Variants in GALNT14 observed in about 807,000 individuals in gnomAD.
The protein encoded by GALNT14 is polypeptide N-acetylgalactosaminyltransferase 14, also known as UDP-GalNAc:polypeptide N-acetylgalactosaminyltransferase 14.
GALNT14 carries 60 observed loss-of-function variants against 77.5 expected under a neutral mutation model. The observed-to-expected ratio is 0.77, with a 90% confidence interval of 0.63 to 0.96. The LOEUF is 0.96. Among genes scored for constraint, GALNT14 ranks in the 40% least tolerant of loss-of-function variants. GALNT14 has a pLI of 0.00. For synonymous variants in GALNT14, 280 were observed against 281.7 expected, an observed-to-expected ratio of 0.99 and a Z score of 0.06; for missense variants, 710 against 731.0, an observed-to-expected ratio of 0.97 and a Z score of 0.33.
chr2:31,089,297 C>T (rs913337469), intron 1 of GALNT14, among the ~76,000 whole-genome samples: 2 of 152,110 alleles, frequency 1.3e-5, no homozygotes, highest in Non-Finnish European at 2.9e-5. Context: ...ATGAGACATT[C>T]GGATCACGTT....
intron 13 of GALNT14, 48 bp from the exon 14 acceptor site, chr2:30,912,390 C>T (rs1664422552): frequency 1.9e-6 from 3 of 1,605,490 alleles, no homozygotes. Flanking sequence ...CAGGAAGCCA[C>T]CACTCGTGGG....
intron 1 of GALNT14, chr2:31,129,335 CTG>C (rs1678863892): frequency 1.0e-6 from 1 of 977,766 alleles, no homozygotes; most frequent in Non-Finnish European, 1.2e-6. Flanking sequence ...GCTTTGTAAA[CTG>C]TAAAACATCA....
chr2:31,069,777 G>A (rs140988089), intron 1 of GALNT14, among the ~76,000 whole-genome samples: 2,520 of 152,230 alleles, frequency 0.017, 64 homozygotes, highest in African/African-American at 0.052. Flanking sequence ...CAACGAGATG[G>A]ATTTCCTTTT....
intron 1 of GALNT14, among the ~76,000 whole-genome samples, chr2:31,048,958 T>A (rs1673665294): frequency 6.6e-6 from 1 of 152,126 alleles, no homozygotes; most frequent in Non-Finnish European, 1.5e-5. Flanking sequence ...CCCTCCAACC[T>A]TCAGTTCCAC....
chr2:30,945,690 A>C, intron 7 of GALNT14, 93 bp downstream of exon 7: 1 of 1,034,516 alleles, frequency 9.7e-7, no homozygotes. Context: ...TCGACAAGCA[A>C]CTAAGAGCTT....
At chr2:30,910,213 T>TAA (rs892396017), downstream of GALNT14, among the ~76,000 whole-genome samples, 4 of 138,814 alleles carry the variant, frequency 2.9e-5, no homozygotes, top group East Asian at 2.0e-4. Flanking sequence ...AGTATAATAA[T>TAA]AAAAAAAAAA....
At chr2:30,903,045 A>C in the GALNT14 span, among the ~76,000 whole-genome samples, 1 of 152,172 alleles carries the variant, frequency 6.6e-6, no homozygotes, top group Non-Finnish European at 1.5e-5. Context: ...AGTGTGGAGC[A>C]AAAGTGCTTC....
At chr2:30,960,314 T>C (rs377530952) in intron 3 of GALNT14, among the ~76,000 whole-genome samples, 45 of 152,206 alleles carry the variant, frequency 3.0e-4, no homozygotes, top group African/African-American at 1.0e-3. Flanking sequence ...TAACCCCTAA[T>C]GAGGTTTGAT....
At chr2:30,951,421 A>G (rs1667020674) in intron 6 of GALNT14, among the ~76,000 whole-genome samples, 1 of 152,184 alleles carries the variant, frequency 6.6e-6, no homozygotes, top group Admixed American at 6.5e-5. Context: ...AGCAGTGGCC[A>G]GGGGCAGGGA....
chr2:31,060,632 G>A (rs746984084), intron 1 of GALNT14, among the ~76,000 whole-genome samples: 12 of 152,088 alleles, frequency 7.9e-5, no homozygotes, highest in African/African-American at 1.2e-4. Context: ...ACCTTTAATC[G>A]GCTAGCGGCT....
At chr2:30,906,884 T>C (rs977068629), downstream of GALNT14, among the ~76,000 whole-genome samples, 5 of 152,126 alleles carry the variant, frequency 3.3e-5, no homozygotes, top group African/African-American at 1.2e-4. Context: ...GCAATCAAAC[T>C]AGAACTCAGG....
intron 8 of GALNT14, among the ~76,000 whole-genome samples, chr2:30,943,729 T>G (rs1461159996): frequency 6.6e-6 from 1 of 152,150 alleles, no homozygotes; most frequent in Non-Finnish European, 1.5e-5. Context: ...CCTTTAGAAA[T>G]GAAGGACTTT....
At chr2:30,991,072 A>T (rs1438005462) in intron 2 of GALNT14, 1 of 150,564 alleles carries the variant, frequency 6.6e-6, no homozygotes, top group African/African-American at 2.5e-5. Context: ...TCTGCCTCTA[A>T]ATGGTAGAAG....
chr2:31,138,393 T>TGCTGCCGCCGCC lies in GALNT14; in HGVS notation c.-308_-307insGGCGGCGGCAGC. The TGCTGCCGCCGCC allele has an allele frequency of 2.9e-6, 1 of 341,156 alleles. No individual in the cohort carries two copies. Among genetic ancestry groups the TGCTGCCGCCGCC allele is most frequent in the Non-Finnish European group, 5.4e-6 (1 of 185,958 alleles). 21.1% of individuals were successfully genotyped at this position (341,156 alleles called of 1,614,324 possible). On this transcript the variant is annotated 5_prime_UTR_variant, in exon 1 of 15. Coordinates refer to ENST00000349752, the MANE Select transcript of GALNT14 (RefSeq NM_024572.4). ...ATGTTCCCCACGCCGCCACCGCGGC[T>TGCTGCCGCCGCC]GCCGCCGCCGCCGCCGCCGCCTTGC...
intron 6 of GALNT14, among the ~76,000 whole-genome samples, chr2:30,955,257 A>G (rs1198496959): frequency 6.6e-6 from 1 of 152,148 alleles, no homozygotes; most frequent in Non-Finnish European, 1.5e-5. Context: ...TCCTTTCTAC[A>G]AAAGACACCC....
intron 1 of GALNT14, among the ~76,000 whole-genome samples, chr2:31,062,166 T>C (rs1674640135): frequency 6.6e-6 from 1 of 152,150 alleles, no homozygotes; most frequent in Non-Finnish European, 1.5e-5. Flanking sequence ...ATCTAAGTTT[T>C]AAGCACCGCA....
intron 1 of GALNT14, among the ~76,000 whole-genome samples, chr2:31,095,519 G>A (rs1223618092): frequency 6.6e-6 from 1 of 151,664 alleles, no homozygotes; most frequent in African/African-American, 2.4e-5. Flanking sequence ...GATGTTCTTG[G>A]GTCCTAAAAA....
Position 30,999,195 on chromosome 2 carries a change from T to C in GALNT14, c.130-6188A>G, listed in dbSNP as rs1670213582. Among the ~76,000 whole-genome samples the C allele has an allele frequency of 2.6e-5, 4 of 152,206 alleles. No individual in the cohort carries two copies. In the South Asian group the frequency reaches 8.3e-4, roughly 31 times the overall value. ...CAACGTTGGAAGCTTCAGCATAACA[T>C]GCCACTGCCCCATGGACATCCCTCC... On this transcript the variant is annotated intron_variant, in intron 1 of 14. Transcript: ENST00000349752.
intron 1 of GALNT14, among the ~76,000 whole-genome samples, chr2:31,020,302 C>T (rs1293172340): frequency 6.6e-6 from 1 of 152,194 alleles, no homozygotes; most frequent in Non-Finnish European, 1.5e-5. Context: ...CAATGGAAAG[C>T]TGATTTTGCT....
Sources: gnomAD v4.1 joint callset for allele counts (sites outside exome capture counted in the v4.1 genomes callset) on GRCh38, gnomAD v4.1.1 for gene constraint, MANE v1.5 for transcripts, NCBI Gene and HGNC (gene_info 2026-07-23, HGNC 2026-07-21) for gene names.